Variants in TANK observed in about 807,000 individuals in gnomAD.
TANK encodes the protein TRAF family member associated NFKB activator.
Under a neutral mutation model 43.6 loss-of-function variants are expected in TANK, and 15 were observed. The ratio of observed to expected loss-of-function variants is 0.34; its 90% CI spans 0.23 to 0.53. TANK has a LOEUF of 0.53. Ranked by LOEUF, TANK falls within the 20% of genes least tolerant of loss-of-function variation. TANK has a pLI of 0.94. For missense variants in TANK, 417 were observed against 498.6 expected (o/e 0.84, Z 1.56); for synonymous variants, 162 against 178.2 (o/e 0.91, Z 0.73).
chr2:161,153,427 C>T (rs1051252029), intron 1 of TANK, among the ~76,000 whole-genome samples: 20 of 151,940 alleles, frequency 1.3e-4, no homozygotes, highest in African/African-American at 4.8e-4. Context: ...CCTATTCACA[C>T]CTGTAATCCC....
chr2:161,166,193 T>C (rs1016090899), intron 1 of TANK, among the ~76,000 whole-genome samples: 2 of 152,188 alleles, frequency 1.3e-5, no homozygotes, highest in Non-Finnish European at 2.9e-5. Context: ...TATGGAAAAA[T>C]ACAAAATTCA....
intron 1 of TANK, among the ~76,000 whole-genome samples, chr2:161,171,721 G>C (rs1447722282): frequency 6.6e-6 from 1 of 152,092 alleles, no homozygotes; most frequent in Non-Finnish European, 1.5e-5. Context: ...TTCCTCCATA[G>C]TGGTTTTTTC....
At chr2:161,190,778 A>G (rs973462183) in intron 2 of TANK, among the ~76,000 whole-genome samples, 3 of 152,162 alleles carry the variant, frequency 2.0e-5, no homozygotes, top group Admixed American at 2.0e-4. Context: ...GTAGAAGGGT[A>G]GTTGCCAGAG....
chr2:161,190,648 G>T (rs370794613), intron 2 of TANK, among the ~76,000 whole-genome samples: 1 of 152,112 alleles, frequency 6.6e-6, no homozygotes, highest in African/African-American at 2.4e-5. Context: ...AATTGTACAC[G>T]TGCTACAGAG....
chr2:161,179,870 A>G (rs931762220), intron 2 of TANK, 109 bp downstream of exon 2: 11 of 1,393,884 alleles, frequency 7.9e-6, no homozygotes, highest in South Asian at 3.4e-5. Flanking sequence ...GAAGAACTAT[A>G]ATTACAGAAA....
At chr2:161,182,063 GAATTGAAGTTT>G (rs1255577181) in intron 2 of TANK, among the ~76,000 whole-genome samples, 48 of 151,758 alleles carry the variant, frequency 3.2e-4, no homozygotes, top group African/African-American at 1.1e-3. Context: ...GAACGTCACA[GAATTGAAGTTT>G]AGAATTTGGA....
intron 1 of TANK, among the ~76,000 whole-genome samples, chr2:161,151,641 T>G (rs1684084619): frequency 6.6e-6 from 1 of 152,200 alleles, no homozygotes; most frequent in African/African-American, 2.4e-5. Flanking sequence ...AATTTCACTT[T>G]AATCTATTGG....
intron 2 of TANK, chr2:161,180,213 T>C: frequency 1.5e-6 from 1 of 652,122 alleles, no homozygotes; most frequent in Non-Finnish European, 1.9e-6. Context: ...TACTCTTCCA[T>C]TCTTTATAAC....
intron 1 of TANK, among the ~76,000 whole-genome samples, chr2:161,140,941 T>C (rs1046164915): frequency 1.3e-5 from 2 of 152,144 alleles, no homozygotes; most frequent in Admixed American, 1.3e-4. Context: ...TCCCCTATTA[T>C]TAACAACTTG....
At chr2:161,154,912 T>G (rs952228895) in intron 1 of TANK, among the ~76,000 whole-genome samples, 2 of 152,044 alleles carry the variant, frequency 1.3e-5, no homozygotes, top group African/African-American at 4.8e-5. Flanking sequence ...ACCTGGCTAA[T>G]TTTTGTACTT....
intron 1 of TANK, among the ~76,000 whole-genome samples, chr2:161,144,283 G>C (rs1052807399): frequency 2.6e-5 from 4 of 152,016 alleles, no homozygotes; most frequent in African/African-American, 9.7e-5. Context: ...AGTTTTTGAA[G>C]GGTTTTTTGG....
At chr2:161,161,056 C>A in intron 1 of TANK, 2 of 645,618 alleles carry the variant, frequency 3.1e-6, no homozygotes, top group Non-Finnish European at 5.0e-6. Flanking sequence ...GTGGCCAAGG[C>A]AGGAAGAACA....
At chr2:161,171,050 A>T (rs1274228007) in intron 1 of TANK, among the ~76,000 whole-genome samples, 1 of 152,222 alleles carries the variant, frequency 6.6e-6, no homozygotes, top group African/African-American at 2.4e-5. Flanking sequence ...CTGAGTTTCT[A>T]ATCAACTATT....
chr2:161,145,720 G>A (rs946695894), intron 1 of TANK, among the ~76,000 whole-genome samples: 1 of 151,930 alleles, frequency 6.6e-6, no homozygotes, highest in Non-Finnish European at 1.5e-5. Flanking sequence ...TCCCTTTGTA[G>A]TTTACCTGGC....
intron 4 of TANK, among the ~76,000 whole-genome samples, chr2:161,214,287 A>T (rs1382493669): frequency 6.6e-6 from 1 of 152,184 alleles, no homozygotes; most frequent in East Asian, 1.9e-4. Flanking sequence ...CAAAAATGGC[A>T]TTCCATTAGA....
At chr2:161,171,301 C>A (rs1684928028) in intron 1 of TANK, among the ~76,000 whole-genome samples, 1 of 152,144 alleles carries the variant, frequency 6.6e-6, no homozygotes, top group Non-Finnish European at 1.5e-5. Flanking sequence ...AATATTAGAT[C>A]TGGTTTTAAG....
At chr2:161,161,642 G>A in intron 1 of TANK, 2 of 626,810 alleles carry the variant, frequency 3.2e-6, no homozygotes, top group East Asian at 3.1e-5. Flanking sequence ...ATCTGTTTCA[G>A]ATTAAATATA....
Position 161,224,621 on chromosome 2 carries a change from T to G in TANK, c.405-10T>G. The G allele has an allele frequency of 7.4e-7, 1 of 1,359,628 alleles. No homozygotes were observed. Among genetic ancestry groups the G allele is most frequent in the Non-Finnish European group, 1.0e-6 (1 of 1,001,396 alleles). The allele number at this position is 1,359,628 out of a possible 1,614,324, so 84.2% of individuals were successfully genotyped here. A position where few individuals can be genotyped will look rare whatever the true frequency, so the allele number is the denominator to read the frequency against. On this transcript the variant is annotated splice_polypyrimidine_tract_variant and intron_variant, in intron 5 of 7. Coordinates refer to ENST00000392749, the MANE Select transcript of TANK (RefSeq NM_001199135.3). ...GCTTTACATTTTAAAATGTTGATTT[T>G]TTTTTTTAGGGGTAATATAGAGAAG...
At position 161,199,327 on chromosome 2, in the gene TANK, A is replaced by T. The variant is rs75889482; in HGVS notation, c.100-4160A>T. Among the ~76,000 whole-genome samples, 6 of 151,996 alleles carry T rather than the reference A, an allele frequency of 3.9e-5. No homozygotes were observed. In the East Asian group the frequency reaches 1.2e-3, roughly 29 times the overall value. ...GGAAAGCAGTGATATTTTTGAGAAT[A>T]TTGCAATTAATTATTGAGGATGAGA... On this transcript the variant is annotated intron_variant, in intron 2 of 7. Coordinates refer to ENST00000392749, the MANE Select transcript of TANK (RefSeq NM_001199135.3).
Sources: gnomAD v4.1 joint callset for allele counts (sites outside exome capture counted in the v4.1 genomes callset) on GRCh38, gnomAD v4.1.1 for gene constraint, MANE v1.5 for transcripts, NCBI Gene and HGNC (gene_info 2026-07-23, HGNC 2026-07-21) for gene names.